MLYCD: variants seen among roughly 807,000 people sequenced by gnomAD.
The protein encoded by MLYCD is malonyl-CoA decarboxylase.
A neutral mutation model predicts 35.8 loss-of-function variants in MLYCD; 27 were observed. The observed-to-expected ratio is 0.75, with a 90% CI of 0.56 to 1.04. The LOEUF (loss-of-function observed/expected upper bound fraction) is 1.04, where lower values mean the gene tolerates loss of function less well. Among genes scored for constraint, MLYCD ranks in the 50% least tolerant of loss-of-function variants. The pLI is 0.00. For missense variants in MLYCD, 917 were observed against 665.1 expected (o/e 1.38, Z -4.17); for synonymous variants, 403 against 302.4 (o/e 1.33, Z -3.45).
rs1907318142 is a variant in MLYCD, at chr16:83,914,960, A to C, written c.953A>C (p.Glu318Ala). ...IKRVVKELQR[E>A]FPHLGVFSSL... The stretch of plus-strand genomic sequence containing the variant: ...CACCCCAACCATGCTTTACAGAGAG[A>C]GTTTCCTCACCTTGGGGTGTTTTCA... Residue 318 changes from glutamate to alanine, a missense_variant, in exon 5 of 5, where the codon GAG (glutamate) becomes GCG (alanine). Physicochemically the swap from Glu to Ala is moderately radical, Grantham distance 107. Transcript: ENST00000262430. 6.2e-7 allele frequency: 1 copy of C among 1,614,066 alleles called. No individual in the cohort carries two copies. The highest frequency in any genetic ancestry group is 8.5e-7 in the Non-Finnish European group (1 of 1,180,044).
At position 83,899,681 on chromosome 16, in the gene MLYCD, C is replaced by A. The variant is rs1437245385; in HGVS notation, c.528+9C>A. 2.0e-6 allele frequency: 3 copies of A among 1,509,914 alleles called. No homozygotes were observed. The highest frequency in any genetic ancestry group is 2.9e-5 in the African/African-American group (2 of 70,162). The allele number at this position is 1,509,914 out of a possible 1,614,324, so 93.5% of individuals were successfully genotyped here. A position where few individuals can be genotyped will look rare whatever the true frequency, so the allele number is the denominator to read the frequency against. ...AGGGGCCGGACGTCCGGGTAAGGGGCCGCCGTCGATCCCCCGGCAGCGCGG... is the reference window on the plus strand; with the variant it reads ...AGGGGCCGGACGTCCGGGTAAGGGGACGCCGTCGATCCCCCGGCAGCGCGG... On this transcript the variant is annotated intron_variant, in intron 1 of 4. Transcript: ENST00000262430.
chr16:83,909,721 A>G (rs538633818), intron 3 of MLYCD, among the ~76,000 whole-genome samples: 2 of 151,008 alleles, frequency 1.3e-5, no homozygotes, highest in Admixed American at 1.3e-4. Flanking sequence ...TCCCGGGTAC[A>G]AGCAATTCTC....
At chr16:83,900,815 C>G (rs181057494) in intron 1 of MLYCD, among the ~76,000 whole-genome samples, 3 of 152,130 alleles carry the variant, frequency 2.0e-5, no homozygotes, top group Non-Finnish European at 2.9e-5. Flanking sequence ...TTCAGTCTTA[C>G]GTGGGTGATA....
chr16:83,909,936 A>G (rs1907114679), intron 3 of MLYCD, among the ~76,000 whole-genome samples: 1 of 151,926 alleles, frequency 6.6e-6, no homozygotes, highest in Non-Finnish European at 1.5e-5. Context: ...TGCCCGGCTG[A>G]TATAGGTATT....
chr16:83,917,618 T>C lies in MLYCD; in HGVS notation c.*2129T>C, dbSNP rs1484673025. Reference sequence around the variant, plus strand: ...GTTCTCCGGGCTGATTCTGAAAGAGTGGCTTGCAGGCCAATCAATGCAATC... The same window carrying C: ...GTTCTCCGGGCTGATTCTGAAAGAGCGGCTTGCAGGCCAATCAATGCAATC... On this transcript the variant is annotated 3_prime_UTR_variant, in exon 5 of 5. Transcript: ENST00000262430. The C allele has an allele frequency of 6.6e-6, 1 of 152,180 alleles. No individual in the cohort carries two copies. Among genetic ancestry groups the C allele is most frequent in the East Asian group, 1.9e-4 (1 of 5,182 alleles). 9.4% of individuals were successfully genotyped at this position (152,180 alleles called of 1,614,324 possible).
At chr16:83,906,675 C>T (rs1906987034) in intron 1 of MLYCD, among the ~76,000 whole-genome samples, 2 of 152,170 alleles carry the variant, frequency 1.3e-5, no homozygotes, top group African/African-American at 2.4e-5. Flanking sequence ...TTAGTATGCT[C>T]ACTATGGTGA....
At chr16:83,907,909 T>G (rs936633379) in intron 2 of MLYCD, among the ~76,000 whole-genome samples, 1 of 152,214 alleles carries the variant, frequency 6.6e-6, no homozygotes, top group Non-Finnish European at 1.5e-5. Context: ...GGGTTAAAAC[T>G]GGAGCACAAT....
chr16:83,899,550 C>G lies in MLYCD; in HGVS notation c.406C>G (p.Arg136Gly), dbSNP rs1906701265. 11 of 1,592,690 alleles carry G rather than the reference C, an allele frequency of 6.9e-6. No homozygotes were observed. Among genetic ancestry groups the G allele is most frequent in the Non-Finnish European group, 6.8e-6 (8 of 1,177,584 alleles). Residue 136 changes from arginine to glycine, a missense_variant, in exon 1 of 5, where the codon CGC becomes GGC. Physicochemically the swap from Arg to Gly is moderately radical, Grantham distance 125. Coordinates refer to ENST00000262430, the MANE Select transcript of MLYCD (RefSeq NM_012213.3). ...EDRLRYALVP[R>G]YRGLFHHISK... ...CCGGCTGCGCTACGCGCTGGTGCCG[C>G]GCTATCGCGGCCTCTTCCACCACAT...
In MLYCD at chr16:83,925,350, C is replaced by G. The variant is rs1907773904; in HGVS notation, c.*9861C>G. 6.6e-6 allele frequency: 1 copy of G among 152,526 alleles called. No individual in the cohort carries two copies. The highest frequency in any genetic ancestry group is 1.5e-5 in the Non-Finnish European group (1 of 68,306). 9.4% of individuals were successfully genotyped at this position (152,526 alleles called of 1,614,324 possible). On this transcript the variant is annotated 3_prime_UTR_variant, in exon 5 of 5. Transcript: ENST00000262430. ...TGCCATCCCTGGGGCTCCCCTCACCCCCACCTCCCACCCGTCCCCGGGCCC... is the reference window on the plus strand; with the variant it reads ...TGCCATCCCTGGGGCTCCCCTCACCGCCACCTCCCACCCGTCCCCGGGCCC...
At chr16:83,911,120 G>A (rs1907163102) in intron 3 of MLYCD, among the ~76,000 whole-genome samples, 1 of 152,124 alleles carries the variant, frequency 6.6e-6, no homozygotes, top group Non-Finnish European at 1.5e-5. Flanking sequence ...GGGACTACAG[G>A]CACCTGCCAC....
intron 4 of MLYCD, 125 bp downstream of exon 4, chr16:83,912,492 G>C (rs567901546): frequency 7.5e-7 from 1 of 1,331,566 alleles, no homozygotes; most frequent in Admixed American, 2.0e-5. Context: ...AGGGGCAGGG[G>C]GTAGAAAAGG....
intron 1 of MLYCD, among the ~76,000 whole-genome samples, chr16:83,906,436 G>T (rs145744733): frequency 1.4e-4 from 21 of 152,256 alleles, no homozygotes; most frequent in African/African-American, 4.1e-4. Context: ...GCCATCATTC[G>T]AAAGATGCAT....
rs1906689857 is a variant in MLYCD, at chr16:83,899,329, C to T, written c.185C>T (p.Ala62Val). 3 of 1,503,040 alleles carry T rather than the reference C, an allele frequency of 2.0e-6. No homozygotes were observed. Among genetic ancestry groups the T allele is most frequent in the Admixed American group, 2.1e-5 (1 of 47,400 alleles). 93.1% of individuals were successfully genotyped at this position (1,503,040 alleles called of 1,614,324 possible). A position where few individuals can be genotyped will look rare whatever the true frequency, so the allele number is the denominator to read the frequency against. ...TACGAGCTGCGCGAGAAGACACCGG[C>T]GCCCGCCGAGGGTCAGTGCGCGGAC... ...PAYELREKTP[A>V]PAEGQCADFV... Residue 62 changes from alanine (A) to valine (V), a missense_variant, in exon 1 of 5, where the codon GCG (alanine) becomes GTG (valine). Ala to Val is a moderately conservative substitution (Grantham distance 64). Coordinates refer to ENST00000262430, the MANE Select transcript of MLYCD (RefSeq NM_012213.3).
In MLYCD at chr16:83,915,538, T is replaced by A. The variant is rs761181610; in HGVS notation, c.*49T>A. The A allele has an allele frequency of 4.4e-6, 7 of 1,596,878 alleles. No homozygotes were observed. The African/African-American group carries it at 8.0e-5, about 18-fold the overall frequency. ...GGGCCCCGGCTAAGAAAACGATCAT[T>A]TTCAGGAGGGGCCGGGAGTTATGTA... On this transcript the variant is annotated 3_prime_UTR_variant, in exon 5 of 5. Coordinates refer to ENST00000262430, the MANE Select transcript of MLYCD (RefSeq NM_012213.3).
Position 83,915,613 on chromosome 16 carries a change from G to T in MLYCD, c.*124G>T. 2 of 1,530,922 alleles carry T rather than the reference G, an allele frequency of 1.3e-6. No homozygotes were observed. The highest frequency in any genetic ancestry group is 2.7e-5 in the African/African-American group (2 of 73,168). The allele number at this position is 1,530,922 out of a possible 1,614,324, so 94.8% of individuals were successfully genotyped here. A position where few individuals can be genotyped will look rare whatever the true frequency, so the allele number is the denominator to read the frequency against. ...CCAAAGTTGACTGTGTTCTTGTCCC[G>T]CAGCCGGTCCACACTGTGAGGCCAG... On this transcript the variant is annotated 3_prime_UTR_variant, in exon 5 of 5. Coordinates refer to ENST00000262430, the MANE Select transcript of MLYCD (RefSeq NM_012213.3).
chr16:83,900,385 T>G (rs563833924), intron 1 of MLYCD, among the ~76,000 whole-genome samples: 1 of 152,336 alleles, frequency 6.6e-6, no homozygotes, highest in South Asian at 2.1e-4. Context: ...ACATATACTC[T>G]TCTTTTATAC....
chr16:83,917,563 T>G lies in MLYCD; in HGVS notation c.*2074T>G, dbSNP rs372845494. ...CGGCGTGTTGCTTCGTGACAGACGGTGTGATCGCGGGAGCTGTCTCATGCC... is the reference window on the plus strand; with the variant it reads ...CGGCGTGTTGCTTCGTGACAGACGGGGTGATCGCGGGAGCTGTCTCATGCC... On this transcript the variant is annotated 3_prime_UTR_variant, in exon 5 of 5. Transcript: ENST00000262430. 2.2e-4 allele frequency: 34 copies of G among 153,006 alleles called. No homozygotes were observed. The highest frequency in any genetic ancestry group is 7.9e-4 in the African/African-American group (33 of 41,614). 9.5% of individuals were successfully genotyped at this position (153,006 alleles called of 1,614,324 possible).
rs373601041 is a variant in MLYCD, at chr16:83,908,242, T to G, written c.758T>G (p.Leu253Trp). The G allele has an allele frequency of 6.2e-7, 1 of 1,614,204 alleles. No individual in the cohort carries two copies. Reference sequence around the variant, plus strand: ...ACCCCTGGGGAGCCCCTGGTCGTTTTGCACGTGGCACTGACTGGTGACATC... The same window carrying G: ...ACCCCTGGGGAGCCCCTGGTCGTTTGGCACGTGGCACTGACTGGTGACATC... ...CSTPGEPLVV[L>W]HVALTGDISS... The change falls in exon 3 of 5, where the codon TTG becomes TGG. Residue 253 changes from leucine to tryptophan, a missense_variant. Leu to Trp is a moderately conservative substitution (Grantham distance 61). Transcript: ENST00000262430.
intron 1 of MLYCD, 73 bp from the exon 2 acceptor site, chr16:83,906,914 T>A (rs1459040223): frequency 7.9e-7 from 1 of 1,271,492 alleles, no homozygotes; most frequent in Admixed American, 1.7e-5. Flanking sequence ...TCATTCCTTG[T>A]GCTGACCACA....
Sources: allele counts gnomAD v4.1 joint callset (sites outside exome capture counted in the v4.1 genomes callset), GRCh38; gene constraint gnomAD v4.1.1; transcripts MANE v1.5; gene names NCBI Gene and HGNC (gene_info 2026-07-23, HGNC 2026-07-21).